Variants in FREM2 observed in about 807,000 individuals in gnomAD.
The protein encoded by FREM2 is FRAS1 related extracellular matrix 2.
A neutral mutation model predicts 219.9 loss-of-function variants in FREM2; 119 were observed. The observed-to-expected ratio is 0.54, with a 90% CI of 0.47 to 0.63. The LOEUF (loss-of-function observed/expected upper bound fraction) is 0.63. FREM2 is among the 30% of genes least tolerant of loss of function. The pLI, the probability that FREM2 is intolerant of heterozygous loss-of-function variation, is 0.00. For missense variants in FREM2, 4,030 were observed against 3,993.6 expected (o/e 1.01, Z -0.25); for synonymous variants, 1,562 against 1,522.8 (o/e 1.03, Z -0.60).
intron 2 of FREM2, among the ~76,000 whole-genome samples, chr13:38,710,294 A>G (rs1290602095): frequency 6.6e-6 from 1 of 152,146 alleles, no homozygotes; most frequent in South Asian, 2.1e-4. Flanking sequence ...AACTATTTCT[A>G]AGACTTAAAA....
chr13:38,811,101 G>A (rs765666075), intron 6 of FREM2, among the ~76,000 whole-genome samples: 1 of 151,420 alleles, frequency 6.6e-6, no homozygotes, highest in Non-Finnish European at 1.5e-5. Context: ...CAATTTATTG[G>A]CATATGGTTA....
rs1871008003 is a variant in FREM2, at chr13:38,716,516, T to C, written c.5263+18729T>C. ...CTCAGTAATCATCTCTGTTCTTTCC[T>C]TTTTTTTTCTTTTGGAGACAGAGTC... On this transcript the variant is annotated intron_variant, in intron 2 of 23. Transcript: ENST00000280481. Among the ~76,000 whole-genome samples the C allele has an allele frequency of 3.3e-5, 5 of 151,482 alleles. 1 individual carries two copies. The South Asian group carries it at 1.0e-3, about 32-fold the overall frequency.
chr13:38,708,623 C>T (rs1870634503), intron 2 of FREM2, among the ~76,000 whole-genome samples: 1 of 152,090 alleles, frequency 6.6e-6, no homozygotes, highest in Admixed American at 6.6e-5. Flanking sequence ...CACTGCACCC[C>T]AGCCTGGGTG....
At chr13:38,725,676 G>A (rs558977537) in intron 2 of FREM2, among the ~76,000 whole-genome samples, 22 of 152,284 alleles carry the variant, frequency 1.4e-4, no homozygotes, top group Non-Finnish European at 2.1e-4. Flanking sequence ...ATTCAGACCC[G>A]TTTGTTCTCT....
At chr13:38,832,656 A>G (rs1288398478) in intron 6 of FREM2, among the ~76,000 whole-genome samples, 2 of 152,194 alleles carry the variant, frequency 1.3e-5, no homozygotes, top group Non-Finnish European at 2.9e-5. Context: ...CACAAACAAT[A>G]TAACATAAAA....
chr13:38,744,157 A>T (rs1872364244), intron 2 of FREM2, among the ~76,000 whole-genome samples: 1 of 151,056 alleles, frequency 6.6e-6, no homozygotes, highest in African/African-American at 2.4e-5. Context: ...GGAGAAAAGC[A>T]TCTAAAATAC....
chr13:38,780,160 T>G (rs1389685698), intron 4 of FREM2, among the ~76,000 whole-genome samples: 1 of 152,192 alleles, frequency 6.6e-6, no homozygotes, highest in Non-Finnish European at 1.5e-5. Flanking sequence ...CATGTCAGCT[T>G]GGATATTTAA....
intron 2 of FREM2, among the ~76,000 whole-genome samples, chr13:38,741,492 T>C (rs552523961): frequency 6.6e-6 from 1 of 152,282 alleles, no homozygotes; most frequent in African/African-American, 2.4e-5. Flanking sequence ...GAAAAATCCA[T>C]GAACAGGGAC....
chr13:38,886,194 A>C lies in FREM2; in HGVS notation c.*5407A>C, dbSNP rs545783327. The C allele has an allele frequency of 6.6e-6, 1 of 152,200 alleles. No individual in the cohort carries two copies. The highest frequency in any genetic ancestry group is 1.5e-5 in the Non-Finnish European group (1 of 68,038). The allele number at this position is 152,200 out of a possible 1,614,324, so 9.4% of individuals were successfully genotyped here. On this transcript the variant is annotated 3_prime_UTR_variant, in exon 24 of 24. Coordinates refer to ENST00000280481, the MANE Select transcript of FREM2 (RefSeq NM_207361.6). ...AGAGCAGTACAATAAAAATCACTTA[A>C]AATAGAGAAAGGCAACTACTGAGTA...
intron 3 of FREM2, among the ~76,000 whole-genome samples, chr13:38,767,386 T>G (rs1873484205): frequency 6.6e-6 from 1 of 152,216 alleles, no homozygotes; most frequent in South Asian, 2.1e-4. Context: ...GTATTGCAAC[T>G]CATTTAATAT....
chr13:38,743,571 G>T (rs1250751463), intron 2 of FREM2, among the ~76,000 whole-genome samples: 1 of 152,142 alleles, frequency 6.6e-6, no homozygotes, highest in African/African-American at 2.4e-5. Flanking sequence ...AATGGTATGA[G>T]GGAGGCTATT....
At chr13:38,818,249 A>C (rs1875847213) in intron 6 of FREM2, among the ~76,000 whole-genome samples, 1 of 152,168 alleles carries the variant, frequency 6.6e-6, no homozygotes, top group Non-Finnish European at 1.5e-5. Flanking sequence ...TTATTGCAGC[A>C]CTATTTACAA....
chr13:38,841,763 A>G (rs1191631482), intron 6 of FREM2, among the ~76,000 whole-genome samples: 1 of 152,182 alleles, frequency 6.6e-6, no homozygotes, highest in South Asian at 2.1e-4. Context: ...CAGAGACAGA[A>G]ATATTTATTC....
chr13:38,816,530 T>C (rs1321001180), intron 6 of FREM2, among the ~76,000 whole-genome samples: 1 of 152,162 alleles, frequency 6.6e-6, no homozygotes, highest in Non-Finnish European at 1.5e-5. Flanking sequence ...AAATTTACTA[T>C]CATGATTAAA....
At chr13:38,740,375 A>G (rs138134949) in intron 2 of FREM2, among the ~76,000 whole-genome samples, 19 of 152,342 alleles carry the variant, frequency 1.2e-4, no homozygotes, top group Admixed American at 3.9e-4. Flanking sequence ...GAGATTTTTG[A>G]ACATGCACAT....
intron 6 of FREM2, among the ~76,000 whole-genome samples, chr13:38,823,643 T>G (rs1161207277): frequency 6.6e-6 from 1 of 152,068 alleles, no homozygotes; most frequent in Non-Finnish European, 1.5e-5. Context: ...CTAACTCATA[T>G]TAATGCCTCA....
At chr13:38,856,045 T>TAAAAAAAAAAA (rs34182165) in intron 11 of FREM2, 81 bp from the exon 12 acceptor site, 2 of 602,282 alleles carry the variant, frequency 3.3e-6, no homozygotes. Context: ...TAGGCCACAG[T>TAAAAAAAAAAA]AAAAAAAAAA....
Position 38,689,418 on chromosome 13 carries a change from C to G in FREM2, c.2074C>G (p.Arg692Gly). The change falls in exon 1 of 24, where the codon CGT becomes GGT. Residue 692 changes from arginine to glycine, a missense_variant. Arg to Gly is a moderately radical substitution (Grantham distance 125, BLOSUM62 -2). Transcript: ENST00000280481. ...GTCCGGGCTACAGCGGTTTGTGATTCGTATCCATCCTGTGGATCGCCTCCC... is the reference window on the plus strand; with the variant it reads ...GTCCGGGCTACAGCGGTTTGTGATTGGTATCCATCCTGTGGATCGCCTCCC... ...NQSGLQRFVI[R>G]IHPVDRLPPE... The G allele has an allele frequency of 6.2e-7, 1 of 1,613,988 alleles. No individual in the cohort carries two copies. The highest frequency in any genetic ancestry group is 8.5e-7 in the Non-Finnish European group (1 of 1,179,956).
rs181720619 is a variant in FREM2 at position 38,688,739 on chromosome 13, G to A, written c.1395G>A (p.Pro465=). ...TCACAGGCCCTGCAGGCAGTGGTCC[G>A]CAAAACTTGGTCATCAGCGATGAGG... The part of the protein sequence containing the change: ...RPLTGPAGSG[P]QNLVISDEDD... Residue 465 remains proline, a synonymous_variant, in exon 1 of 24, where the codon CCG becomes CCA. Coordinates refer to ENST00000280481, the MANE Select transcript of FREM2 (RefSeq NM_207361.6). 60 of 1,613,922 alleles carry A rather than the reference G, an allele frequency of 3.7e-5. No homozygotes were observed. In the East Asian group the frequency reaches 1.2e-3, roughly 32 times the overall value.
Sources: gnomAD v4.1 joint callset for allele counts (sites outside exome capture counted in the v4.1 genomes callset) on GRCh38, gnomAD v4.1.1 for gene constraint, MANE v1.5 for transcripts, NCBI Gene and HGNC (gene_info 2026-07-23, HGNC 2026-07-21) for gene names.